Variants in LRRK2 observed in about 807,000 individuals in gnomAD.
LRRK2 encodes the protein leucine rich repeat kinase 2.
In LRRK2, 203 loss-of-function variants were observed where a neutral mutation model predicts 302.6. That is an observed-to-expected ratio of 0.67 (90% CI 0.60 to 0.75). LRRK2 has a LOEUF of 0.75. Ranked by LOEUF, LRRK2 falls within the 30% of genes least tolerant of loss-of-function variation. The pLI, the probability that LRRK2 is intolerant of heterozygous loss-of-function variation, is 0.00. For synonymous variants in LRRK2, 1,066 were observed against 1,031.9 expected, an observed-to-expected ratio of 1.03 and a Z score of -0.63; for missense variants, 2,830 against 2,951.0, an observed-to-expected ratio of 0.96 and a Z score of 0.95.
At chr12:40,263,475 A>G (rs1942867025) in intron 13 of LRRK2, among the ~76,000 whole-genome samples, 1 of 152,172 alleles carries the variant, frequency 6.6e-6, no homozygotes, top group Admixed American at 6.6e-5. Flanking sequence ...ATCTTCCAGC[A>G]TCTTAAAGCA....
intron 7 of LRRK2, among the ~76,000 whole-genome samples, chr12:40,249,318 C>A (rs1592159414): frequency 7.2e-6 from 1 of 138,928 alleles, no homozygotes; most frequent in Non-Finnish European, 1.6e-5. Context: ...GGTGAAATAC[C>A]TTTTTTTTTT....
chr12:40,338,897 C>G (rs765488644), intron 40 of LRRK2, among the ~76,000 whole-genome samples: 1 of 152,232 alleles, frequency 6.6e-6, no homozygotes, highest in African/African-American at 2.4e-5. Context: ...TTTCAGTAAT[C>G]CCTTGGTAAA....
chr12:40,316,373 T>G, intron 33 of LRRK2: 1 of 981,448 alleles, frequency 1.0e-6, no homozygotes, highest in South Asian at 4.7e-5. Context: ...AATCAGCAAT[T>G]ATTTGCAGTG....
chr12:40,328,705 T>C (rs1351534384), intron 39 of LRRK2, among the ~76,000 whole-genome samples: 1 of 152,222 alleles, frequency 6.6e-6, no homozygotes, highest in Non-Finnish European at 1.5e-5. Context: ...TAAAACTTTT[T>C]GTAAGACTCA....
intron 4 of LRRK2, among the ~76,000 whole-genome samples, chr12:40,237,273 C>A (rs532284640): frequency 6.6e-6 from 1 of 152,178 alleles, no homozygotes; most frequent in African/African-American, 2.4e-5. Context: ...TAGATTCCAG[C>A]AAGGGATTTG....
chr12:40,264,021 C>T, intron 14 of LRRK2, 120 bp downstream of exon 14: 1 of 718,626 alleles, frequency 1.4e-6, no homozygotes, highest in South Asian at 1.6e-5. Context: ...AGGAGGAAGT[C>T]ATGTGGTTAG....
intron 31 of LRRK2, among the ~76,000 whole-genome samples, chr12:40,313,639 A>T (rs1945107227): frequency 6.6e-6 from 1 of 151,978 alleles, no homozygotes; most frequent in South Asian, 2.1e-4. Flanking sequence ...CATTAAGTTT[A>T]ATGTCTTAGG....
In LRRK2 at chr12:40,363,486, T is replaced by C. The variant is rs758070366; in HGVS notation, c.7113T>C (p.Pro2371=). Reference sequence around the variant, plus strand: ...TCTATATTGCTAAGCAAAATAGCCCTGTTGTGGAAGTGTGGGATAAGAAAA... The same window carrying C: ...TCTATATTGCTAAGCAAAATAGCCCCGTTGTGGAAGTGTGGGATAAGAAAA... ...TALYIAKQNS[P]VVEVWDKKTE... is the part of the protein sequence containing the mutation. The change falls in exon 48 of 51, where the codon CCT becomes CCC. Residue 2371 remains proline (P), a synonymous_variant. Transcript: ENST00000298910. The C allele has an allele frequency of 4.3e-6, 7 of 1,612,010 alleles. No homozygotes were observed. In the Admixed American group the frequency reaches 1.2e-4, roughly 27 times the overall value.
intron 49 of LRRK2, chr12:40,365,273 A>T: frequency 1.9e-6 from 1 of 526,774 alleles, no homozygotes; most frequent in Non-Finnish European, 3.4e-6. Context: ...ACTGCAGCTG[A>T]ACACTCAGTT....
At chr12:40,336,879 C>T (rs1945888439) in intron 40 of LRRK2, among the ~76,000 whole-genome samples, 1 of 152,134 alleles carries the variant, frequency 6.6e-6, no homozygotes, top group South Asian at 2.1e-4. Context: ...CTAATTCTTC[C>T]ACAAATCCCC....
chr12:40,295,434 A>G lies in LRRK2; in HGVS notation c.2886A>G (p.Ser962=), dbSNP rs751827009. The G allele has an allele frequency of 1.9e-5, 30 of 1,612,384 alleles. No homozygotes were observed. The highest frequency in any genetic ancestry group is 2.5e-5 in the Non-Finnish European group (29 of 1,179,892). ...ILSSDDSLRS[S]KLQSHMRHSD... ...GTTTGTTTTTGACAAAAGGGTCATC[A>G]AAACTTCAATCCCATATGAGGCATT... Residue 962 remains serine (S), a synonymous_variant, in exon 23 of 51, where the codon TCA becomes TCG. Coordinates refer to ENST00000298910, the MANE Select transcript of LRRK2 (RefSeq NM_198578.4).
At chr12:40,261,225 T>C (rs1324085380) in intron 13 of LRRK2, among the ~76,000 whole-genome samples, 2 of 152,192 alleles carry the variant, frequency 1.3e-5, no homozygotes, top group Non-Finnish European at 2.9e-5. Flanking sequence ...AAAAATGCCT[T>C]TTGATTATCC....
intron 16 of LRRK2, among the ~76,000 whole-genome samples, chr12:40,276,655 G>C (rs563037462): frequency 3.3e-5 from 5 of 152,236 alleles, no homozygotes; most frequent in Non-Finnish European, 7.3e-5. Flanking sequence ...CATTTGCATG[G>C]CCTGCTCTGC....
At chr12:40,320,280 T>C (rs1292330765) in intron 34 of LRRK2, 105 bp downstream of exon 34, 4 of 946,472 alleles carry the variant, frequency 4.2e-6, no homozygotes, top group Non-Finnish European at 4.7e-6. Flanking sequence ...AATAAATAAA[T>C]ATATTTTGCT....
chr12:40,242,541 AT>A (rs1296457149), intron 6 of LRRK2, among the ~76,000 whole-genome samples: 4 of 151,472 alleles, frequency 2.6e-5, no homozygotes, highest in Non-Finnish European at 5.9e-5. Context: ...TCTTCCACCT[AT>A]TTTGGAGCCT....
rs560536519 is a variant in LRRK2, at chr12:40,257,133, T to C, written c.1289-115T>C. The C allele has an allele frequency of 2.5e-5, 18 of 725,698 alleles. No individual in the cohort carries two copies. In the African/African-American group the frequency reaches 3.0e-4, roughly 12 times the overall value. 45.0% of individuals were successfully genotyped at this position (725,698 alleles called of 1,614,324 possible). A position where few individuals can be genotyped will look rare whatever the true frequency, so the allele number is the denominator to read the frequency against. On this transcript the variant is annotated intron_variant, in intron 11 of 50. Transcript: ENST00000298910. Reference sequence around the variant, plus strand: ...AGCTGTCAATGAACTATAAATTATGTGTGCTCTTGTATATGCTTTCCTGTA... The same window carrying C: ...AGCTGTCAATGAACTATAAATTATGCGTGCTCTTGTATATGCTTTCCTGTA...
At chr12:40,272,414 A>G (rs1041212351) in intron 14 of LRRK2, among the ~76,000 whole-genome samples, 7 of 152,156 alleles carry the variant, frequency 4.6e-5, no homozygotes, top group African/African-American at 7.2e-5. Flanking sequence ...CTGTGTCACA[A>G]TTTTTTTCAT....
intron 33 of LRRK2, among the ~76,000 whole-genome samples, chr12:40,317,993 A>C (rs1212034505): frequency 3.3e-5 from 5 of 152,168 alleles, no homozygotes; most frequent in Middle Eastern, 3.4e-3. Context: ...AGAAAGGTAC[A>C]TGCATGTTTT....
At chr12:40,335,238 A>G in intron 40 of LRRK2, 81 bp downstream of exon 40, 5 of 1,389,396 alleles carry the variant, frequency 3.6e-6, no homozygotes, top group Non-Finnish European at 5.1e-6. Flanking sequence ...AACACTTCCC[A>G]GTAACACTGT....
Sources: allele counts gnomAD v4.1 joint callset (sites outside exome capture counted in the v4.1 genomes callset), GRCh38; gene constraint gnomAD v4.1.1; transcripts MANE v1.5; gene names NCBI Gene and HGNC (gene_info 2026-07-23, HGNC 2026-07-21).